Variants in MAGI1 observed in about 807,000 individuals in gnomAD.
MAGI1 encodes the protein membrane-associated guanylate kinase, WW and PDZ domain-containing protein 1.
A neutral mutation model predicts 139.9 loss-of-function variants in MAGI1; 58 were observed. That is an observed-to-expected ratio of 0.41 (90% CI 0.34 to 0.52). MAGI1 has a LOEUF of 0.52. Among genes scored for constraint, MAGI1 ranks in the 20% least tolerant of loss-of-function variants. The pLI is 0.12. For missense variants in MAGI1, 1,874 were observed against 1,901.6 expected (o/e 0.99, Z 0.27); for synonymous variants, 812 against 737.9 (o/e 1.10, Z -1.63).
At chr3:66,002,674 G>A (rs955470738) in intron 1 of MAGI1, among the ~76,000 whole-genome samples, 28 of 151,896 alleles carry the variant, frequency 1.8e-4, no homozygotes, top group African/African-American at 5.6e-4. Context: ...GCCACCACAC[G>A]CAGCTAATTT....
intron 21 of MAGI1, 127 bp downstream of exon 21, chr3:65,363,338 A>G (rs1368874108): frequency 1.3e-5 from 15 of 1,149,476 alleles, no homozygotes; most frequent in Non-Finnish European, 1.7e-5. Flanking sequence ...GGAGTCATGC[A>G]CTTAAGAGAA....
chr3:65,915,036 T>C (rs147016700), intron 1 of MAGI1, among the ~76,000 whole-genome samples: 66 of 152,350 alleles, frequency 4.3e-4, no homozygotes, highest in African/African-American at 1.5e-3. Context: ...GCTAGCATTA[T>C]AATGCACATT....
intron 1 of MAGI1, among the ~76,000 whole-genome samples, chr3:65,807,660 AAACAG>A (rs1357553453): frequency 6.6e-6 from 1 of 152,170 alleles, no homozygotes. Flanking sequence ...CGGCTATTCC[AAACAG>A]AAGTAAATGG....
At chr3:65,481,667 CT>C in intron 3 of MAGI1, among the ~76,000 whole-genome samples, 1 of 152,176 alleles carries the variant, frequency 6.6e-6, no homozygotes, top group East Asian at 1.9e-4. Context: ...AACCATATCA[CT>C]CAGTTTCAGT....
At chr3:65,391,054 G>T in intron 14 of MAGI1, 88 bp downstream of exon 14, 1 of 1,150,074 alleles carries the variant, frequency 8.7e-7, no homozygotes, top group Non-Finnish European at 1.3e-6. Context: ...TTTACACACT[G>T]CAACTCATCT....
intron 1 of MAGI1, among the ~76,000 whole-genome samples, chr3:65,924,424 A>G (rs1475259586): frequency 6.6e-6 from 1 of 152,208 alleles, no homozygotes; most frequent in East Asian, 1.9e-4. Context: ...CATGAGTCCC[A>G]TTTCAAGAAT....
chr3:65,911,881 C>T (rs1426998341), intron 1 of MAGI1, among the ~76,000 whole-genome samples: 1 of 152,138 alleles, frequency 6.6e-6, no homozygotes, highest in Non-Finnish European at 1.5e-5. Flanking sequence ...CTGTTCGTTA[C>T]TGCATTTCAT....
At chr3:65,372,902 C>T (rs1289864464) in intron 18 of MAGI1, among the ~76,000 whole-genome samples, 3 of 152,184 alleles carry the variant, frequency 2.0e-5, no homozygotes, top group African/African-American at 7.2e-5. Flanking sequence ...CTGGATTGGA[C>T]TCTGGCATAA....
At chr3:65,602,669 T>C (rs969568361) in intron 2 of MAGI1, among the ~76,000 whole-genome samples, 5 of 152,178 alleles carry the variant, frequency 3.3e-5, no homozygotes, top group South Asian at 2.1e-4. Flanking sequence ...TTTTTAAAAA[T>C]AGGTCAATTA....
At chr3:65,361,543 G>A (rs1472107609) in intron 21 of MAGI1, among the ~76,000 whole-genome samples, 1 of 152,098 alleles carries the variant, frequency 6.6e-6, no homozygotes, top group Non-Finnish European at 1.5e-5. Flanking sequence ...CAAATCACAT[G>A]AGAAAGGGGG....
intron 1 of MAGI1, among the ~76,000 whole-genome samples, chr3:65,970,388 A>T (rs2064964160): frequency 6.6e-6 from 1 of 152,104 alleles, no homozygotes; most frequent in Non-Finnish European, 1.5e-5. Flanking sequence ...TCAGTTTGGG[A>T]AGATGAAAAA....
At chr3:65,945,966 T>C (rs557150313) in intron 1 of MAGI1, among the ~76,000 whole-genome samples, 36 of 152,354 alleles carry the variant, frequency 2.4e-4, no homozygotes, top group African/African-American at 8.2e-4. Context: ...ATCTTTAGTA[T>C]TAAAATAGTA....
chr3:65,891,884 TAATATA>T (rs1226030480), intron 1 of MAGI1, among the ~76,000 whole-genome samples: 19 of 85,854 alleles, frequency 2.2e-4, no homozygotes, highest in African/African-American at 2.9e-4. Flanking sequence ...ACTTAAAGTA[TAATATA>T]TATATATATA....
chr3:65,630,109 C>T (rs2084206715), intron 1 of MAGI1, among the ~76,000 whole-genome samples: 1 of 152,110 alleles, frequency 6.6e-6, no homozygotes, highest in Admixed American at 6.5e-5. Flanking sequence ...AACATACATG[C>T]ACACTTATAA....
intron 1 of MAGI1, among the ~76,000 whole-genome samples, chr3:65,811,556 T>G (rs972565177): frequency 1.6e-4 from 24 of 152,098 alleles, no homozygotes; most frequent in Non-Finnish European, 3.4e-4. Flanking sequence ...GAGCTATGAC[T>G]GAGAGCCAGC....
chr3:65,896,414 T>C (rs1173761314), intron 1 of MAGI1, among the ~76,000 whole-genome samples: 1 of 152,122 alleles, frequency 6.6e-6, no homozygotes, highest in African/African-American at 2.4e-5. Context: ...TATCAAAACC[T>C]TGGACTCAGG....
chr3:65,524,188 CTCTCAAA>C (rs1464424531), intron 2 of MAGI1, among the ~76,000 whole-genome samples: 5 of 152,168 alleles, frequency 3.3e-5, no homozygotes, highest in Non-Finnish European at 7.4e-5. Context: ...TTACTATGTA[CTCTCAAA>C]TCACAAAGTT....
intron 18 of MAGI1, among the ~76,000 whole-genome samples, chr3:65,373,553 A>C (rs191677826): frequency 6.6e-6 from 1 of 152,338 alleles, no homozygotes; most frequent in Admixed American, 6.5e-5. Context: ...GTGGCCACAA[A>C]CCTTCAATTT....
intron 1 of MAGI1, among the ~76,000 whole-genome samples, chr3:65,768,620 T>A (rs1381081353): frequency 6.6e-6 from 1 of 152,208 alleles, no homozygotes; most frequent in African/African-American, 2.4e-5. Context: ...AAGGCTCACA[T>A]AATAACAGCC....
Sources: gnomAD v4.1 joint callset for allele counts (sites outside exome capture counted in the v4.1 genomes callset) on GRCh38, gnomAD v4.1.1 for gene constraint, MANE v1.5 for transcripts, NCBI Gene and HGNC (gene_info 2026-07-23, HGNC 2026-07-21) for gene names.